DCAF4: variants seen among roughly 807,000 people sequenced by gnomAD.
DCAF4 encodes DDB1- and CUL4-associated factor 4.
Under a neutral mutation model 60.9 loss-of-function variants are expected in DCAF4, and 37 were observed. That is an observed-to-expected ratio of 0.61 (90% confidence interval 0.47 to 0.80). DCAF4 has a LOEUF of 0.80. Ranked by LOEUF, DCAF4 falls within the 30% of genes least tolerant of loss-of-function variation. The pLI, the probability that DCAF4 is intolerant of heterozygous loss-of-function variation, is 0.00. For missense variants in DCAF4, 577 were observed against 650.0 expected (o/e 0.89, Z 1.22); for synonymous variants, 243 against 254.8 (o/e 0.95, Z 0.44).
At position 72,927,343 on chromosome 14, in the gene DCAF4, C is replaced by CTT. The variant is rs547199942; in HGVS notation, c.-9+827_-9+828dup. Among the ~76,000 whole-genome samples, 455 of 87,334 alleles carry CTT rather than the reference C, an allele frequency of 5.2e-3. 28 individuals carry two copies. The highest frequency in any genetic ancestry group is 7.7e-3 in the African/African-American group (174 of 22,686). The allele number at this position is 87,334 out of a possible 152,430, so 57.3% of individuals were successfully genotyped here. On this transcript the variant is annotated intron_variant, in intron 1 of 13. Coordinates refer to ENST00000358377, the MANE Select transcript of DCAF4 (RefSeq NM_015604.4). ...TGGAAATTAGAGTCGCGGTGGTGTTCTTTTTTTTTTTTTTTTTTTTTTTTT... is the reference window on the plus strand; with the variant it reads ...TGGAAATTAGAGTCGCGGTGGTGTTCTTTTTTTTTTTTTTTTTTTTTTTTTTT...
intron 6 of DCAF4, 137 bp from the exon 7 acceptor site, chr14:72,945,747 C>T: frequency 1.7e-6 from 2 of 1,177,434 alleles, no homozygotes; most frequent in Non-Finnish European, 2.4e-6. Flanking sequence ...GTCATCTCCA[C>T]TCTCGCTCAT....
chr14:72,949,125 T>C (rs1891094737), intron 8 of DCAF4, among the ~76,000 whole-genome samples: 1 of 152,118 alleles, frequency 6.6e-6, no homozygotes, highest in South Asian at 2.1e-4. Context: ...GAGCGGTATG[T>C]CACATACACA....
chr14:72,946,129 C>A, intron 7 of DCAF4, 102 bp downstream of exon 7: 2 of 1,408,390 alleles, frequency 1.4e-6, no homozygotes, highest in South Asian at 1.3e-5. Context: ...GCAGAGCATA[C>A]TTACCTCATT....
intron 13 of DCAF4, chr14:72,957,183 G>A (rs1892423270): frequency 6.6e-6 from 1 of 152,402 alleles, no homozygotes; most frequent in Non-Finnish European, 1.5e-5. Flanking sequence ...CTGCACTCCA[G>A]CCTGGCAACA....
chr14:72,959,575 G>A lies in DCAF4; in HGVS notation c.*770G>A, dbSNP rs1377658259. The A allele has an allele frequency of 7.1e-6, 7 of 985,444 alleles. No individual in the cohort carries two copies. Among genetic ancestry groups the A allele is most frequent in the Non-Finnish European group, 8.4e-6 (7 of 829,924 alleles). 61.0% of individuals were successfully genotyped at this position (985,444 alleles called of 1,614,324 possible). On this transcript the variant is annotated 3_prime_UTR_variant, in exon 14 of 14. Coordinates refer to ENST00000358377, the MANE Select transcript of DCAF4 (RefSeq NM_015604.4). Reference sequence around the variant, plus strand: ...TTTTGACTTTTTGTAATCTAGGAGCGACAGTTCGTGAGATGTTTATTCAGT... The same window carrying A: ...TTTTGACTTTTTGTAATCTAGGAGCAACAGTTCGTGAGATGTTTATTCAGT...
chr14:72,953,722 A>AT (rs1191484469), intron 9 of DCAF4, among the ~76,000 whole-genome samples: 2 of 50,178 alleles, frequency 4.0e-5, no homozygotes, highest in Non-Finnish European at 6.8e-5. Context: ...AAAAAAAAAA[A>AT]AAAAAAAAAA....
intron 4 of DCAF4, among the ~76,000 whole-genome samples, chr14:72,940,725 G>A (rs991703872): frequency 5.3e-5 from 8 of 151,496 alleles, no homozygotes; most frequent in Admixed American, 5.3e-4. Flanking sequence ...TGAGTAGCTG[G>A]GACTACAGGC....
chr14:72,933,899 T>A (rs1247453961), intron 1 of DCAF4, among the ~76,000 whole-genome samples: 1 of 152,170 alleles, frequency 6.6e-6, no homozygotes, highest in African/African-American at 2.4e-5. Flanking sequence ...CTATCCCAAG[T>A]ACCATGTCCA....
chr14:72,932,991 G>A (rs749004525), intron 1 of DCAF4, among the ~76,000 whole-genome samples: 5 of 151,978 alleles, frequency 3.3e-5, no homozygotes, highest in East Asian at 1.9e-4. Context: ...CTCCTGCCTC[G>A]GCTTCCCGAG....
chr14:72,949,727 AG>A (rs1368629847), intron 8 of DCAF4, among the ~76,000 whole-genome samples: 1 of 152,252 alleles, frequency 6.6e-6, no homozygotes, highest in African/African-American at 2.4e-5. Context: ...ACTGCACTCC[AG>A]CCTGAGCGAA....
intron 12 of DCAF4, among the ~76,000 whole-genome samples, chr14:72,956,175 C>T (rs963198472): frequency 1.3e-5 from 2 of 152,106 alleles, no homozygotes; most frequent in Non-Finnish European, 2.9e-5. Context: ...CCCACCTTGG[C>T]CTCCCATAGT....
At chr14:72,955,405 T>G in intron 11 of DCAF4, 118 bp from the exon 12 acceptor site, 1 of 1,233,004 alleles carries the variant, frequency 8.1e-7, no homozygotes, top group Admixed American at 2.1e-5. Context: ...CCAGCACGTG[T>G]CTAATCACAC....
downstream of DCAF4, among the ~76,000 whole-genome samples, chr14:72,960,394 C>T (rs537484376): frequency 6.6e-6 from 1 of 152,248 alleles, no homozygotes; most frequent in Admixed American, 6.5e-5. Context: ...AGGTGATCTG[C>T]CCGCCTCAGC....
Position 72,953,728 on chromosome 14 carries a change from AAAAAATAT to A in DCAF4, c.809-434_809-427del, listed in dbSNP as rs1306362368. 4.8e-4 allele frequency among the ~76,000 whole-genome samples: 18 copies of A among 37,756 alleles called. 1 individual carries two copies. The highest frequency in any genetic ancestry group is 4.7e-4 in the African/African-American group (4 of 8,574). 24.8% of individuals were successfully genotyped at this position (37,756 alleles called of 152,430 possible). A position where few individuals can be genotyped will look rare whatever the true frequency, so the allele number is the denominator to read the frequency against. ...CTGTCTTAAAAAAAAAAAAAAAAAA[AAAAAATAT>A]ATATATATATATATATATATATATA... On this transcript the variant is annotated intron_variant, in intron 9 of 13. Coordinates refer to ENST00000358377, the MANE Select transcript of DCAF4 (RefSeq NM_015604.4).
intron 1 of DCAF4, among the ~76,000 whole-genome samples, chr14:72,930,478 A>G (rs1328719120): frequency 1.3e-5 from 2 of 152,194 alleles, no homozygotes; most frequent in Non-Finnish European, 1.5e-5. Context: ...CATGTTTATC[A>G]GGCTGGGCTT....
downstream of DCAF4, among the ~76,000 whole-genome samples, chr14:72,960,992 A>G (rs934056067): frequency 3.3e-5 from 5 of 151,762 alleles, no homozygotes; most frequent in African/African-American, 1.2e-4. Flanking sequence ...GGCTTGAGCA[A>G]TCCTCCCACC....
At position 72,930,631 on chromosome 14, in the gene DCAF4, A is replaced by ATG. The variant is rs544728205; in HGVS notation, c.-9+4098_-9+4099dup. On this transcript the variant is annotated intron_variant, in intron 1 of 13. Transcript: ENST00000358377. ...TTGATGAAGCCCAATTTATGTGTGTATGTGTGTGTGTATATATATATATGT... is the reference window on the plus strand; with the variant it reads ...TTGATGAAGCCCAATTTATGTGTGTATGTGTGTGTGTGTATATATATATATGT... Among the ~76,000 whole-genome samples, 53 of 137,606 alleles carry ATG rather than the reference A, an allele frequency of 3.9e-4. 2 individuals carry two copies. The South Asian group carries it at 7.4e-3, about 19-fold the overall frequency. 90.3% of individuals were successfully genotyped at this position (137,606 alleles called of 152,430 possible).
At chr14:72,935,020 C>G (rs985561480) in intron 1 of DCAF4, 1 of 152,196 alleles carries the variant, frequency 6.6e-6, no homozygotes, top group Non-Finnish European at 1.5e-5. Flanking sequence ...GTTTGCCTTA[C>G]AGAATTCACC....
At chr14:72,944,729 A>C (rs994525753) in intron 6 of DCAF4, among the ~76,000 whole-genome samples, 13 of 151,618 alleles carry the variant, frequency 8.6e-5, no homozygotes, top group African/African-American at 3.2e-4. Context: ...GAAATCAAAG[A>C]TGCAGTGAGC....
Sources: gnomAD v4.1 joint callset for allele counts (sites outside exome capture counted in the v4.1 genomes callset) on GRCh38, gnomAD v4.1.1 for gene constraint, MANE v1.5 for transcripts, NCBI Gene and HGNC (gene_info 2026-07-23, HGNC 2026-07-21) for gene names.